The following PARM1 variants were observed in gnomAD, a reference collection of about 807,000 sequenced individuals.
PARM1 encodes the protein prostate androgen-regulated mucin-like protein 1.
Under a neutral mutation model 24.6 loss-of-function variants are expected in PARM1, and 14 were observed. That is an observed-to-expected ratio of 0.57 (90% CI 0.38 to 0.89). The LOEUF (loss-of-function observed/expected upper bound fraction) is 0.89, where lower values mean the gene tolerates loss of function less well. Among genes scored for constraint, PARM1 ranks in the 40% least tolerant of loss-of-function variants. The pLI is 0.00. For missense variants in PARM1, 362 were observed against 380.4 expected (o/e 0.95, Z 0.40); for synonymous variants, 179 against 156.6 (o/e 1.14, Z -1.07).
chr4:74,994,029 C>T (rs1309049624), intron 1 of PARM1: 1 of 152,096 alleles, frequency 6.6e-6, no homozygotes, highest in Non-Finnish European at 1.5e-5. Context: ...GACCCAGCAA[C>T]AGAATCAGGC....
chr4:74,948,622 T>C (rs367660729), intron 1 of PARM1, among the ~76,000 whole-genome samples: 3 of 152,238 alleles, frequency 2.0e-5, no homozygotes. Flanking sequence ...TCATGGTGAA[T>C]GCACTGGACA....
intron 1 of PARM1, among the ~76,000 whole-genome samples, chr4:74,976,552 C>A (rs1273201574): frequency 6.6e-6 from 1 of 152,216 alleles, no homozygotes; most frequent in Non-Finnish European, 1.5e-5. Flanking sequence ...GGGCAGTCCA[C>A]ATGAGGAGGA....
At chr4:74,976,990 C>T (rs953827115) in intron 1 of PARM1, among the ~76,000 whole-genome samples, 8 of 152,160 alleles carry the variant, frequency 5.3e-5, no homozygotes, top group African/African-American at 1.9e-4. Flanking sequence ...GATAAACCCA[C>T]AAAAATGGGA....
At chr4:74,971,545 T>C (rs1045228805) in intron 1 of PARM1, among the ~76,000 whole-genome samples, 5 of 152,344 alleles carry the variant, frequency 3.3e-5, no homozygotes, top group African/African-American at 1.2e-4. Context: ...GCATTTTGTG[T>C]CACTCTTAAG....
In PARM1 at chr4:74,968,640, G is replaced by T. The variant is rs1423833585; in HGVS notation, c.43+35270G>T. 5.3e-5 allele frequency among the ~76,000 whole-genome samples: 8 copies of T among 152,118 alleles called. No homozygotes were observed. In the South Asian group the frequency reaches 1.7e-3, roughly 32 times the overall value. ...TGACTGCAGAGATAAGGCAGTTTGG[G>T]GTCAGTTGTCTATTGTGCTTTCTTT... On this transcript the variant is annotated intron_variant, in intron 1 of 3. Coordinates refer to ENST00000307428, the MANE Select transcript of PARM1 (RefSeq NM_015393.4).
Position 75,046,869 on chromosome 4 carries a change from G to T in PARM1, c.*622G>T, listed in dbSNP as rs1014049536. The T allele has an allele frequency of 6.6e-6, 1 of 152,492 alleles. No homozygotes were observed. Among genetic ancestry groups the T allele is most frequent in the African/African-American group, 2.4e-5 (1 of 41,434 alleles). The allele number at this position is 152,492 out of a possible 1,614,324, so 9.4% of individuals were successfully genotyped here. A position where few individuals can be genotyped will look rare whatever the true frequency, so the allele number is the denominator to read the frequency against. The stretch of plus-strand genomic sequence containing the variant: ...CCTGGAGGGGGCCAGCAGGTCACGG[G>T]GCAGAATCTCTCAGGTTGCTGTGGG... On this transcript the variant is annotated 3_prime_UTR_variant, in exon 4 of 4. Coordinates refer to ENST00000307428, the MANE Select transcript of PARM1 (RefSeq NM_015393.4).
intron 2 of PARM1, among the ~76,000 whole-genome samples, chr4:75,020,724 A>C (rs183478339): frequency 6.6e-6 from 1 of 152,020 alleles, no homozygotes; most frequent in African/African-American, 2.4e-5. Context: ...CACCACCCAC[A>C]CTGGCTGTCT....
intron 1 of PARM1, among the ~76,000 whole-genome samples, chr4:74,941,220 C>G (rs1721303077): frequency 6.6e-6 from 1 of 152,028 alleles, no homozygotes. Flanking sequence ...GGAGGAGAGC[C>G]CAGATAGTCT....
At chr4:75,039,331 G>C (rs1723432372) in intron 3 of PARM1, among the ~76,000 whole-genome samples, 1 of 151,868 alleles carries the variant, frequency 6.6e-6, no homozygotes, top group African/African-American at 2.4e-5. Flanking sequence ...GGAGATCGAG[G>C]CCATCCTGGC....
intron 1 of PARM1, among the ~76,000 whole-genome samples, chr4:74,999,668 TAAG>T (rs1256884956): frequency 2.0e-5 from 3 of 152,198 alleles, no homozygotes; most frequent in African/African-American, 7.2e-5. Context: ...AAAAGATATT[TAAG>T]AAGTAAACTA....
At chr4:74,957,145 C>A (rs1167732346) in intron 1 of PARM1, 11 of 152,218 alleles carry the variant, frequency 7.2e-5, no homozygotes, top group Admixed American at 6.5e-4. Context: ...TTAGGCACTT[C>A]ACAGACATTT....
intron 2 of PARM1, among the ~76,000 whole-genome samples, chr4:75,013,969 C>T (rs180862385): frequency 8.5e-5 from 13 of 152,242 alleles, no homozygotes; most frequent in Non-Finnish European, 1.3e-4. Context: ...CGGAGCATTT[C>T]ACCACTTAGC....
intron 2 of PARM1, among the ~76,000 whole-genome samples, chr4:75,018,451 GAACCATGTATGCCAGTTTAT>G (rs1723029067): frequency 6.6e-6 from 1 of 152,154 alleles, no homozygotes; most frequent in Non-Finnish European, 1.5e-5. Context: ...TTCAGATTTG[GAACCATGTATGCCAGTTTAT>G]AACTGTTTTC....
chr4:75,027,960 T>C (rs1723212734), intron 2 of PARM1, among the ~76,000 whole-genome samples: 2 of 152,208 alleles, frequency 1.3e-5, no homozygotes, highest in African/African-American at 4.8e-5. Flanking sequence ...GGGCAACACA[T>C]GGACTCTCGA....
At chr4:75,033,770 C>A in intron 2 of PARM1, 113 bp from the exon 3 acceptor site, 1 of 694,498 alleles carries the variant, frequency 1.4e-6, no homozygotes, top group Non-Finnish European at 2.3e-6. Context: ...TAGCTTTTCC[C>A]CCTTTCAGAG....
chr4:75,000,761 C>T (rs781669517), intron 1 of PARM1, among the ~76,000 whole-genome samples: 8 of 152,208 alleles, frequency 5.3e-5, no homozygotes, highest in Admixed American at 1.3e-4. Context: ...GCCAAGCAAT[C>T]GTATCTGCCT....
At chr4:74,977,643 T>A (rs1432361251) in intron 1 of PARM1, among the ~76,000 whole-genome samples, 1 of 151,798 alleles carries the variant, frequency 6.6e-6, no homozygotes, top group Non-Finnish European at 1.5e-5. Context: ...ATGAGAAAAA[T>A]CAACTCCAAG....
chr4:75,020,709 C>G (rs1477353865), intron 2 of PARM1, among the ~76,000 whole-genome samples: 1 of 152,182 alleles, frequency 6.6e-6, no homozygotes, highest in African/African-American at 2.4e-5. Context: ...TCCCCTCGCT[C>G]TCTGCACCAC....
intron 1 of PARM1, among the ~76,000 whole-genome samples, chr4:74,940,286 G>T (rs1254565311): frequency 2.6e-5 from 4 of 152,126 alleles, no homozygotes; most frequent in Non-Finnish European, 4.4e-5. Flanking sequence ...TTATGACATG[G>T]TTTTAGTTTT....
Sources: allele counts gnomAD v4.1 joint callset (sites outside exome capture counted in the v4.1 genomes callset), GRCh38; gene constraint gnomAD v4.1.1; transcripts MANE v1.5; gene names NCBI Gene and HGNC (gene_info 2026-07-23, HGNC 2026-07-21).